The following TMX3 variants were observed in gnomAD, a reference collection of about 807,000 sequenced individuals.
TMX3 encodes the protein thioredoxin related transmembrane protein 3.
A neutral mutation model predicts 64.4 loss-of-function variants in TMX3; 40 were observed. The observed-to-expected ratio is 0.62, with a 90% CI of 0.48 to 0.81. TMX3 has a LOEUF of 0.81. TMX3 is among the 30% of genes least tolerant of loss of function. TMX3 has a pLI of 0.00. For synonymous variants in TMX3, 189 were observed against 175.7 expected (o/e 1.08, Z -0.60); for missense variants, 497 against 534.5 (o/e 0.93, Z 0.69).
intron 1 of TMX3, 60 bp downstream of exon 1, chr18:68,714,876 C>T (rs1292492941): frequency 7.1e-6 from 11 of 1,546,346 alleles, no homozygotes; most frequent in Non-Finnish European, 8.7e-6. Context: ...CAATCCCGGC[C>T]CCACGGCGGG....
intron 8 of TMX3, among the ~76,000 whole-genome samples, chr18:68,696,293 C>A (rs1040685750): frequency 6.6e-6 from 1 of 152,114 alleles, no homozygotes; most frequent in African/African-American, 2.4e-5. Context: ...CCTGCCTCAG[C>A]CCCCTGAGTA....
At chr18:68,700,937 G>A in intron 5 of TMX3, 1 of 984,842 alleles carries the variant, frequency 1.0e-6, no homozygotes. Context: ...GTAAAACGAT[G>A]CATTAAAAAC....
chr18:68,694,854 C>T (rs963461929), intron 8 of TMX3, among the ~76,000 whole-genome samples: 4 of 152,142 alleles, frequency 2.6e-5, no homozygotes, highest in South Asian at 2.1e-4. Flanking sequence ...ACACCTACTT[C>T]GGCAAGTCTG....
At chr18:68,693,117 C>A (rs906061030) in intron 8 of TMX3, among the ~76,000 whole-genome samples, 1 of 152,216 alleles carries the variant, frequency 6.6e-6, no homozygotes, top group African/African-American at 2.4e-5. Flanking sequence ...TACATTAAGG[C>A]AATCCAGAAA....
chr18:68,701,756 T>A lies in TMX3; in HGVS notation c.300A>T (p.Pro100=). 6.2e-7 allele frequency: 1 copy of A among 1,612,078 alleles called. No homozygotes were observed. The highest frequency in any genetic ancestry group is 8.5e-7 in the Non-Finnish European group (1 of 1,179,230). ...AACACTCAACTTACAGCTTAATTGTTGGATAACCTCGAACTCCAAACTCTG... is the reference window on the plus strand; with the variant it reads ...AACACTCAACTTACAGCTTAATTGTAGGATAACCTCGAACTCCAAACTCTG... ...IASEFGVRGY[P]TIKLLKGDLA... Residue 100 remains proline (P), a synonymous_variant, in exon 5 of 16, where the codon CCA becomes CCT. Coordinates refer to ENST00000299608, the MANE Select transcript of TMX3 (RefSeq NM_019022.5).
At chr18:68,708,045 GTATA>G (rs59501873) in intron 4 of TMX3, among the ~76,000 whole-genome samples, 3 of 125,996 alleles carry the variant, frequency 2.4e-5, no homozygotes, top group East Asian at 2.0e-4. Flanking sequence ...GTATATATGT[GTATA>G]TATATGTGTA....
At chr18:68,699,874 A>T (rs1200639767) in intron 6 of TMX3, among the ~76,000 whole-genome samples, 1 of 152,214 alleles carries the variant, frequency 6.6e-6, no homozygotes. Flanking sequence ...GGTTTTAACT[A>T]TGTCACATTC....
At chr18:68,710,351 G>C (rs1019147803) in intron 3 of TMX3, among the ~76,000 whole-genome samples, 1 of 151,886 alleles carries the variant, frequency 6.6e-6, no homozygotes, top group Non-Finnish European at 1.5e-5. Flanking sequence ...CTCAAAACCG[G>C]TACTATCTTA....
chr18:68,686,685 G>A (rs1024248012), intron 10 of TMX3: 49 of 974,740 alleles, frequency 5.0e-5, no homozygotes, highest in Non-Finnish European at 5.6e-5. Flanking sequence ...CCAGCCTGGC[G>A]ACAGAGAGAG....
rs2031802036 is a variant in TMX3, at chr18:68,714,917, A to G, written c.46+19T>C. On this transcript the variant is annotated intron_variant, in intron 1 of 15. Transcript: ENST00000299608. ...GTCCCACGCGCCCGCCAGCGTCCCGACCGCTGAGCCCCCATTACCTGTGGC... is the reference window on the plus strand; with the variant it reads ...GTCCCACGCGCCCGCCAGCGTCCCGGCCGCTGAGCCCCCATTACCTGTGGC... 1 of 1,553,868 alleles carries G rather than the reference A, an allele frequency of 6.4e-7. No homozygotes were observed. Among genetic ancestry groups the G allele is most frequent in the Non-Finnish European group, 8.7e-7 (1 of 1,149,136 alleles).
rs182814956 is a variant in TMX3 at position 68,706,749 on chromosome 18, T to C, written c.265+3272A>G. On this transcript the variant is annotated intron_variant, in intron 4 of 15. Coordinates refer to ENST00000299608, the MANE Select transcript of TMX3 (RefSeq NM_019022.5). The stretch of plus-strand genomic sequence containing the variant: ...GTAATTCCATTTTTTACCTGTTTGA[T>C]TCCAAGTTCTACTAAAATGTCTGTA... 2.0e-3 allele frequency among the ~76,000 whole-genome samples: 302 copies of C among 152,350 alleles called. 3 individuals are homozygous for C. The highest frequency in any genetic ancestry group is 3.2e-3 in the Non-Finnish European group (221 of 68,032).
intron 13 of TMX3, chr18:68,681,504 C>T (rs1913432190): frequency 2.0e-6 from 2 of 983,982 alleles, no homozygotes; most frequent in Admixed American, 6.2e-5. Context: ...TTATATCCTA[C>T]ATCTGGTACT....
At chr18:68,687,221 G>A (rs1304614787) in intron 10 of TMX3, 5 of 985,198 alleles carry the variant, frequency 5.1e-6, no homozygotes, top group East Asian at 2.3e-4. Flanking sequence ...TTTTGTATTC[G>A]TGTTTGTGTT....
intron 2 of TMX3, 86 bp downstream of exon 2, chr18:68,713,759 TC>T: frequency 1.5e-6 from 1 of 664,796 alleles, no homozygotes; most frequent in Non-Finnish European, 2.2e-6. Flanking sequence ...TTGGTTCCAA[TC>T]TAAAATATTA....
At chr18:68,707,400 T>A (rs531629034) in intron 4 of TMX3, among the ~76,000 whole-genome samples, 1 of 152,276 alleles carries the variant, frequency 6.6e-6, no homozygotes, top group Admixed American at 6.5e-5. Context: ...CTTCTCTAAG[T>A]GTCTCAGGAA....
In TMX3 at chr18:68,681,226, T is replaced by C. The variant is rs309210; in HGVS notation, c.906-116A>G. The C allele has an allele frequency of 0.04, 36,875 of 924,920 alleles. 5,916 individuals are homozygous for C. In the African/African-American group the frequency reaches 0.44, roughly 11 times the overall value. The allele number at this position is 924,920 out of a possible 1,614,324, so 57.3% of individuals were successfully genotyped here. Reference sequence around the variant, plus strand: ...AGAAGCTATTTAACACATTTGTGCATATTTTATGGTAGAAAATGATCAAAT... The same window carrying C: ...AGAAGCTATTTAACACATTTGTGCACATTTTATGGTAGAAAATGATCAAAT... On this transcript the variant is annotated intron_variant, in intron 13 of 15. Transcript: ENST00000299608.
chr18:68,684,495 A>G lies in TMX3; in HGVS notation c.737-10T>C, dbSNP rs1913752538. On this transcript the variant is annotated splice_polypyrimidine_tract_variant and intron_variant, in intron 10 of 15. Coordinates refer to ENST00000299608, the MANE Select transcript of TMX3 (RefSeq NM_019022.5). The stretch of plus-strand genomic sequence containing the variant: ...AGAGCCACAAGCTTTCCTGAAATAA[A>G]GAATGACACATCTGAATTCAATCAC... 5 of 1,611,166 alleles carry G rather than the reference A, an allele frequency of 3.1e-6. No homozygotes were observed. Among genetic ancestry groups the G allele is most frequent in the Non-Finnish European group, 3.4e-6 (4 of 1,178,640 alleles).
rs1913015862 is a variant in TMX3, at chr18:68,677,283, CTT to C, written c.1105-92_1105-91del. 7.1e-6 allele frequency: 10 copies of C among 1,401,592 alleles called. No homozygotes were observed. The East Asian group carries it at 1.9e-4, about 26-fold the overall frequency. 86.8% of individuals were successfully genotyped at this position (1,401,592 alleles called of 1,614,324 possible). ...GAACTTGAAACCACTATAGATTTCT[CTT>C]GTTGCTATTCAGCTTGTTTTTAGTT... On this transcript the variant is annotated intron_variant, in intron 15 of 15. Transcript: ENST00000299608.
intron 8 of TMX3, among the ~76,000 whole-genome samples, chr18:68,696,150 GTTT>G (rs982770567): frequency 6.6e-6 from 1 of 152,116 alleles, no homozygotes; most frequent in Non-Finnish European, 1.5e-5. Context: ...CTATTACACA[GTTT>G]TTTAATTTTT....
Sources: gnomAD v4.1 joint callset for allele counts (sites outside exome capture counted in the v4.1 genomes callset) on GRCh38, gnomAD v4.1.1 for gene constraint, MANE v1.5 for transcripts, NCBI Gene and HGNC (gene_info 2026-07-23, HGNC 2026-07-21) for gene names.